Variants in NPSR1 observed in about 807,000 individuals in gnomAD.
NPSR1 encodes the protein neuropeptide S receptor 1.
A neutral mutation model predicts 46.9 loss-of-function variants in NPSR1; 48 were observed. That is an observed-to-expected ratio of 1.02 (90% CI 0.81 to 1.30). The LOEUF (loss-of-function observed/expected upper bound fraction) is 1.30, where lower values mean the gene tolerates loss of function less well. NPSR1 is among the 50% of genes most tolerant of loss of function. The pLI, the probability that NPSR1 is intolerant of heterozygous loss-of-function variation, is 0.00. For missense variants in NPSR1, 450 were observed against 449.5 expected (o/e 1.00, Z -0.01); for synonymous variants, 176 against 168.1 (o/e 1.05, Z -0.36).
intron 3 of NPSR1, among the ~76,000 whole-genome samples, chr7:34,806,789 T>C (rs1781256340): frequency 6.6e-6 from 1 of 152,174 alleles, no homozygotes; most frequent in African/African-American, 2.4e-5. Flanking sequence ...CAATTTTTTG[T>C]AAATATAAAA....
chr7:34,669,205 C>A (rs1184276453), intron 1 of NPSR1, among the ~76,000 whole-genome samples: 1 of 152,128 alleles, frequency 6.6e-6, no homozygotes, highest in Non-Finnish European at 1.5e-5. Context: ...TTTGGAAGCA[C>A]CACATATTAT....
Position 34,684,690 on chromosome 7 carries a change from T to C in NPSR1, c.280+6T>C. ...GACTCAGCTGGCCATCACAGGTAAGTAACTATGCAAGTGAGAGGCAGGAAG... is the reference window on the plus strand; with the variant it reads ...GACTCAGCTGGCCATCACAGGTAAGCAACTATGCAAGTGAGAGGCAGGAAG... On this transcript the variant is annotated splice_donor_region_variant and intron_variant, in intron 2 of 8. Coordinates refer to ENST00000360581, the MANE Select transcript of NPSR1 (RefSeq NM_207172.2). 6.2e-7 allele frequency: 1 copy of C among 1,607,338 alleles called. No homozygotes were observed. The highest frequency in any genetic ancestry group is 2.2e-5 in the East Asian group (1 of 44,578).
intron 7 of NPSR1, chr7:34,845,508 T>C (rs1368722608): frequency 2.2e-6 from 1 of 449,354 alleles, no homozygotes; most frequent in Non-Finnish European, 4.4e-6. Flanking sequence ...CTGTCTGAAA[T>C]GCTCTGCTCT....
chr7:34,819,939 G>C (rs1789471544), intron 4 of NPSR1, among the ~76,000 whole-genome samples: 1 of 152,188 alleles, frequency 6.6e-6, no homozygotes, highest in South Asian at 2.1e-4. Flanking sequence ...GGGGCTGGGG[G>C]AGGGATAGCG....
intron 3 of NPSR1, among the ~76,000 whole-genome samples, chr7:34,782,636 G>T (rs1260725926): frequency 6.6e-6 from 1 of 152,010 alleles, no homozygotes; most frequent in Non-Finnish European, 1.5e-5. Context: ...ATTCTTTTTG[G>T]TTTTGTTGAT....
intron 2 of NPSR1, among the ~76,000 whole-genome samples, chr7:34,743,981 A>G (rs974262810): frequency 2.6e-5 from 4 of 152,106 alleles, no homozygotes; most frequent in Non-Finnish European, 4.4e-5. Context: ...ATTAGTTTGT[A>G]TGTTTACATT....
At chr7:34,703,820 A>G (rs1793968929) in intron 2 of NPSR1, 1 of 131,356 alleles carries the variant, frequency 7.6e-6, no homozygotes. Flanking sequence ...TTCATTTACC[A>G]TCTTTAAGAC....
chr7:34,843,328 G>A (rs1323316030), intron 6 of NPSR1, among the ~76,000 whole-genome samples: 1 of 152,216 alleles, frequency 6.6e-6, no homozygotes, highest in Non-Finnish European at 1.5e-5. Flanking sequence ...GCGAAAGCGA[G>A]CACACAAGAC....
At chr7:34,698,894 C>T (rs1007072689) in intron 2 of NPSR1, among the ~76,000 whole-genome samples, 1 of 151,948 alleles carries the variant, frequency 6.6e-6, no homozygotes, top group Non-Finnish European at 1.5e-5. Context: ...CTATTGCACG[C>T]CTCAGAGACC....
At chr7:34,821,180 G>A (rs1209362155) in intron 4 of NPSR1, among the ~76,000 whole-genome samples, 1 of 146,464 alleles carries the variant, frequency 6.8e-6, no homozygotes, top group African/African-American at 2.6e-5. Context: ...TGTCGCCCGG[G>A]CTAGAGCGCA....
intron 2 of NPSR1, among the ~76,000 whole-genome samples, chr7:34,687,862 A>G (rs1793017212): frequency 6.6e-6 from 1 of 152,226 alleles, no homozygotes; most frequent in South Asian, 2.1e-4. Context: ...AGGGGCCAAG[A>G]TTTCATAGAG....
chr7:34,714,629 C>A (rs1783475801), intron 2 of NPSR1, among the ~76,000 whole-genome samples: 1 of 152,128 alleles, frequency 6.6e-6, no homozygotes. Context: ...AAGGTAGGTG[C>A]CCACTATCAG....
chr7:34,796,230 G>A (rs1788164554), intron 3 of NPSR1, among the ~76,000 whole-genome samples: 1 of 151,982 alleles, frequency 6.6e-6, no homozygotes. Flanking sequence ...TTATATCCAT[G>A]ACAAAAACGA....
intron 2 of NPSR1, among the ~76,000 whole-genome samples, chr7:34,738,158 A>G (rs1456300438): frequency 6.6e-6 from 1 of 152,244 alleles, no homozygotes; most frequent in African/African-American, 2.4e-5. Flanking sequence ...AGCATCTTGA[A>G]CAAGAAATTC....
At chr7:34,692,679 G>GA (rs551753354) in intron 2 of NPSR1, among the ~76,000 whole-genome samples, 2 of 151,096 alleles carry the variant, frequency 1.3e-5, no homozygotes, top group South Asian at 2.1e-4. Flanking sequence ...AAAGTAAGCA[G>GA]AAAAAAAAGA....
At chr7:34,815,363 G>A (rs1200395864) in intron 4 of NPSR1, among the ~76,000 whole-genome samples, 1 of 152,056 alleles carries the variant, frequency 6.6e-6, no homozygotes, top group Non-Finnish European at 1.5e-5. Flanking sequence ...GAGAAGACAT[G>A]GTTAGAGAAA....
intron 3 of NPSR1, among the ~76,000 whole-genome samples, chr7:34,789,987 C>A (rs1787655430): frequency 6.6e-6 from 1 of 151,758 alleles, no homozygotes; most frequent in Non-Finnish European, 1.5e-5. Flanking sequence ...AGTCTTCCCC[C>A]AAAAAAGTGA....
At chr7:34,760,048 A>C (rs1365672169) in intron 2 of NPSR1, among the ~76,000 whole-genome samples, 2 of 152,242 alleles carry the variant, frequency 1.3e-5, no homozygotes, top group African/African-American at 4.8e-5. Flanking sequence ...GTGAGAATCT[A>C]ATATATTAGA....
downstream of NPSR1, among the ~76,000 whole-genome samples, chr7:34,852,498 G>A (rs867852463): frequency 3.3e-5 from 5 of 152,094 alleles, no homozygotes; most frequent in South Asian, 1.0e-3. Flanking sequence ...CCAGACACAG[G>A]GAGGAATCTC....
Sources: allele counts gnomAD v4.1 joint callset (sites outside exome capture counted in the v4.1 genomes callset), GRCh38; gene constraint gnomAD v4.1.1; transcripts MANE v1.5; gene names NCBI Gene and HGNC (gene_info 2026-07-23, HGNC 2026-07-21).